The following URI1 variants were observed in gnomAD, a reference collection of about 807,000 sequenced individuals.
URI1 encodes unconventional prefoldin RPB5 interactor 1.
Under a neutral mutation model 60.2 loss-of-function variants are expected in URI1, and 39 were observed. That is an observed-to-expected ratio of 0.65 (90% CI 0.50 to 0.85). The LOEUF (loss-of-function observed/expected upper bound fraction) is 0.85. Among genes scored for constraint, URI1 ranks in the 40% least tolerant of loss-of-function variants. The pLI, the probability that URI1 is intolerant of heterozygous loss-of-function variation, is 0.00. For synonymous variants in URI1, 251 were observed against 236.8 expected (o/e 1.06, Z -0.55); for missense variants, 691 against 665.9 (o/e 1.04, Z -0.42).
intron 4 of URI1, among the ~76,000 whole-genome samples, chr19:29,997,558 T>C (rs2145411695): frequency 6.6e-6 from 1 of 152,296 alleles, no homozygotes; most frequent in African/African-American, 2.4e-5. Flanking sequence ...CTCTAATCTT[T>C]GTTATTCCTT....
chr19:30,009,373 T>C lies in URI1; in HGVS notation c.1035+20T>C, dbSNP rs773639570. On this transcript the variant is annotated intron_variant, in intron 8 of 10. Transcript: ENST00000392271. ...AAGAGGGTTTGTATACTTTTAACTT[T>C]ACTAATTTTGCATATAATTTGAACA... 11 of 1,580,850 alleles carry C rather than the reference T, an allele frequency of 7.0e-6. No homozygotes were observed. Among genetic ancestry groups the C allele is most frequent in the East Asian group, 4.5e-5 (2 of 44,514 alleles).
At chr19:29,967,875 A>G (rs1287550197) in intron 1 of URI1, among the ~76,000 whole-genome samples, 1 of 152,190 alleles carries the variant, frequency 6.6e-6, no homozygotes, top group African/African-American at 2.4e-5. Flanking sequence ...TCCTCTCCAA[A>G]TAAAGATTTA....
At chr19:29,948,074 A>G (rs991217617) in intron 1 of URI1, among the ~76,000 whole-genome samples, 1 of 152,164 alleles carries the variant, frequency 6.6e-6, no homozygotes. Flanking sequence ...GTCATAAATC[A>G]GGTGACTGTG....
At chr19:29,926,796 G>A (rs1156657997) in intron 1 of URI1, among the ~76,000 whole-genome samples, 1 of 152,234 alleles carries the variant, frequency 6.6e-6, no homozygotes, top group East Asian at 1.9e-4. Context: ...CTTCCCTGGA[G>A]AGGGGTCTGG....
chr19:29,960,766 T>C lies in URI1; in HGVS notation c.118-10427T>C, dbSNP rs146814516. On this transcript the variant is annotated intron_variant, in intron 1 of 10. Coordinates refer to ENST00000392271, the MANE Select transcript of URI1 (RefSeq NM_003796.3). Reference sequence around the variant, plus strand: ...ATTATATGTAGTAGGATTCCTGATATATTTAATTTTATCACCTTTCTATTA... The same window carrying C: ...ATTATATGTAGTAGGATTCCTGATACATTTAATTTTATCACCTTTCTATTA... 4.4e-3 allele frequency among the ~76,000 whole-genome samples: 664 copies of C among 152,332 alleles called. 1 individual carries two copies. Among genetic ancestry groups the C allele is most frequent in the African/African-American group, 0.015 (611 of 41,574 alleles).
chr19:30,014,095 A>G (rs926906369), intron 10 of URI1: 4 of 151,704 alleles, frequency 2.6e-5, no homozygotes, highest in African/African-American at 7.3e-5. Flanking sequence ...AAAAAAATTA[A>G]CTCCTTGTGT....
At chr19:29,988,402 C>T (rs2055700473) in intron 4 of URI1, among the ~76,000 whole-genome samples, 2 of 152,090 alleles carry the variant, frequency 1.3e-5, no homozygotes, top group Non-Finnish European at 2.9e-5. Context: ...GTTTAGCCAG[C>T]ACCACAGTCA....
chr19:29,954,301 T>C (rs1184300391), intron 1 of URI1, among the ~76,000 whole-genome samples: 3 of 152,234 alleles, frequency 2.0e-5, no homozygotes, highest in Non-Finnish European at 4.4e-5. Context: ...CAAAAGTCAC[T>C]TGAATTACTT....
chr19:30,008,561 A>C (rs957575134), intron 7 of URI1, among the ~76,000 whole-genome samples: 1 of 152,080 alleles, frequency 6.6e-6, no homozygotes, highest in Admixed American at 6.5e-5. Context: ...ATTCGTGTGC[A>C]TATGTATAAA....
chr19:29,949,294 C>T lies in URI1; in HGVS notation c.117+6630C>T, dbSNP rs186579977. On this transcript the variant is annotated intron_variant, in intron 1 of 10. Coordinates refer to ENST00000392271, the MANE Select transcript of URI1 (RefSeq NM_003796.3). ...ACGGGGTCGTGGCCGGGCAGAGGCGCTCCCCACATCCCAGACGGGGCGGCG... is the reference window on the plus strand; with the variant it reads ...ACGGGGTCGTGGCCGGGCAGAGGCGTTCCCCACATCCCAGACGGGGCGGCG... Among the ~76,000 whole-genome samples, 1,135 of 151,170 alleles carry T rather than the reference C, an allele frequency of 7.5e-3. 45 individuals carry two copies. In the East Asian group the frequency reaches 0.13, roughly 17 times the overall value.
chr19:30,011,363 G>A (rs781172740), intron 9 of URI1, 127 bp downstream of exon 9: 4 of 1,228,966 alleles, frequency 3.3e-6, no homozygotes, highest in Non-Finnish European at 4.3e-6. Context: ...GTTCTGAGGA[G>A]TTAACTTAGG....
chr19:29,969,670 G>C (rs2055434223), intron 1 of URI1, among the ~76,000 whole-genome samples: 1 of 152,156 alleles, frequency 6.6e-6, no homozygotes, highest in South Asian at 2.1e-4. Flanking sequence ...CACATGCATT[G>C]GGATTGGAAA....
chr19:29,937,416 C>T (rs2054983202), upstream of URI1, among the ~76,000 whole-genome samples: 1 of 152,134 alleles, frequency 6.6e-6, no homozygotes, highest in Non-Finnish European at 1.5e-5. Flanking sequence ...GCTATACTTT[C>T]CTTTTTCTTT....
At chr19:29,948,907 A>G (rs1288918109) in intron 1 of URI1, among the ~76,000 whole-genome samples, 1 of 150,666 alleles carries the variant, frequency 6.6e-6, no homozygotes, top group Non-Finnish European at 1.5e-5. Context: ...ACTTCCCAGA[A>G]GGGGCGGCCG....
In URI1 at chr19:30,009,271, G is replaced by A; in HGVS notation, c.953G>A (p.Gly318Asp). Residue 318 changes from glycine (G) to aspartate (D), a missense_variant, in exon 8 of 11, where the codon GGT (glycine) becomes GAT (aspartate). Coordinates refer to ENST00000392271, the MANE Select transcript of URI1 (RefSeq NM_003796.3). Reference sequence around the variant, plus strand: ...GACGACAACATTGACGACGATGATGGTGATAACGACCATGAGGCTTTAGGG... The same window carrying A: ...GACGACAACATTGACGACGATGATGATGATAACGACCATGAGGCTTTAGGG... ...DDDDNIDDDD[G>D]DNDHEALGVG... 2 of 1,613,980 alleles carry A rather than the reference G, an allele frequency of 1.2e-6. No homozygotes were observed. Among genetic ancestry groups the A allele is most frequent in the East Asian group, 2.2e-5 (1 of 44,870 alleles).
chr19:29,987,989 A>G (rs770978201), intron 4 of URI1, among the ~76,000 whole-genome samples: 5 of 151,234 alleles, frequency 3.3e-5, no homozygotes, highest in Non-Finnish European at 7.4e-5. Context: ...CCAACGTGGT[A>G]AAACCTCGTC....
chr19:29,967,689 C>T (rs1477092880), intron 1 of URI1, among the ~76,000 whole-genome samples: 3 of 152,138 alleles, frequency 2.0e-5, no homozygotes, highest in African/African-American at 7.2e-5. Context: ...TGTTTTTCTG[C>T]TGTTATCCAG....
At chr19:29,989,840 A>C (rs1324521129) in intron 4 of URI1, among the ~76,000 whole-genome samples, 1 of 151,692 alleles carries the variant, frequency 6.6e-6, no homozygotes, top group Non-Finnish European at 1.5e-5. Flanking sequence ...CCCACTTTGC[A>C]TCTTGTCTTT....
At chr19:29,951,033 C>T (rs1434247148) in intron 1 of URI1, among the ~76,000 whole-genome samples, 2 of 152,114 alleles carry the variant, frequency 1.3e-5, no homozygotes, top group African/African-American at 2.4e-5. Flanking sequence ...CCAAAAGCTC[C>T]GAAGGCTGAG....
Sources: gnomAD v4.1 joint callset for allele counts (sites outside exome capture counted in the v4.1 genomes callset) on GRCh38, gnomAD v4.1.1 for gene constraint, MANE v1.5 for transcripts, NCBI Gene and HGNC (gene_info 2026-07-23, HGNC 2026-07-21) for gene names.